NLGN1: variants seen among roughly 807,000 people sequenced by gnomAD.
NLGN1 encodes the protein neuroligin-1.
A neutral mutation model predicts 65.5 loss-of-function variants in NLGN1; 12 were observed. The observed-to-expected ratio is 0.18, with a 90% CI of 0.12 to 0.30. The LOEUF (loss-of-function observed/expected upper bound fraction) is 0.30, where lower values mean the gene tolerates loss of function less well. Ranked by LOEUF, NLGN1 falls within the 10% of genes least tolerant of loss-of-function variation. NLGN1 has a pLI of 1.00. For missense variants in NLGN1, 750 were observed against 1,007.1 expected, an observed-to-expected ratio of 0.74 and a Z score of 3.46; for synonymous variants, 350 against 359.5, an observed-to-expected ratio of 0.97 and a Z score of 0.30.
intron 4 of NLGN1, among the ~76,000 whole-genome samples, chr3:174,080,898 A>T (rs1300645241): frequency 6.8e-6 from 1 of 147,602 alleles, no homozygotes; most frequent in Non-Finnish European, 1.5e-5. Flanking sequence ...CATCATTTGA[A>T]TTTGATGGTC....
At chr3:173,548,483 ATTT>A (rs11343702) in intron 2 of NLGN1, among the ~76,000 whole-genome samples, 6 of 145,686 alleles carry the variant, frequency 4.1e-5, no homozygotes, top group Admixed American at 1.4e-4. Context: ...AGCACCTCAC[ATTT>A]TTTTTTTTTT....
intron 2 of NLGN1, among the ~76,000 whole-genome samples, chr3:173,540,113 A>G (rs1738586454): frequency 6.6e-6 from 1 of 151,986 alleles, no homozygotes; most frequent in Admixed American, 6.6e-5. Flanking sequence ...GCTGTTTCTC[A>G]GAAGAAGGGT....
intron 3 of NLGN1, among the ~76,000 whole-genome samples, chr3:173,799,019 T>C (rs1387618630): frequency 1.3e-5 from 2 of 152,020 alleles, no homozygotes; most frequent in Non-Finnish European, 2.9e-5. Flanking sequence ...TTGCTAAAAA[T>C]GTTTAACAAT....
intron 4 of NLGN1, among the ~76,000 whole-genome samples, chr3:173,808,793 C>T (rs908007641): frequency 1.3e-5 from 2 of 152,104 alleles, no homozygotes; most frequent in Non-Finnish European, 2.9e-5. Flanking sequence ...GCGCCTCACT[C>T]TTTCATTCTA....
intron 3 of NLGN1, among the ~76,000 whole-genome samples, chr3:173,733,324 G>A (rs889502179): frequency 2.0e-5 from 3 of 151,988 alleles, no homozygotes; most frequent in Admixed American, 6.6e-5. Context: ...ATTTTATAGG[G>A]GTAATTACAT....
intron 3 of NLGN1, among the ~76,000 whole-genome samples, chr3:173,770,313 G>A (rs960205738): frequency 3.3e-5 from 5 of 152,074 alleles, no homozygotes; most frequent in African/African-American, 4.8e-5. Context: ...ACAGAACTTG[G>A]GCTACAGAGG....
At chr3:173,879,235 CA>C (rs142935633) in intron 4 of NLGN1, among the ~76,000 whole-genome samples, 1,831 of 128,206 alleles carry the variant, frequency 0.014, 32 homozygotes, top group African/African-American at 0.043. Flanking sequence ...TTGTCTCAGA[CA>C]AAAAAAAAAA....
chr3:173,721,819 C>A (rs1202300168), intron 3 of NLGN1, among the ~76,000 whole-genome samples: 1 of 151,158 alleles, frequency 6.6e-6, no homozygotes, highest in African/African-American at 2.5e-5. Context: ...CTATGCAGAA[C>A]CATTTAATCA....
chr3:173,400,818 C>A (rs1478622448), intron 1 of NLGN1, among the ~76,000 whole-genome samples: 1 of 152,122 alleles, frequency 6.6e-6, no homozygotes, highest in African/African-American at 2.4e-5. Flanking sequence ...ATAGAGTCTA[C>A]CATAAATGAA....
rs1207163653 is a variant in NLGN1, at chr3:174,038,712, C to T, written c.646+230880C>T. ...TCCAAATAGGTAAAGTCAGCTTCTA[C>T]AATGAGTTAAATTTATGATTTAGAG... is the stretch of plus-strand genomic sequence containing the variant. On this transcript the variant is annotated intron_variant, in intron 4 of 6. Coordinates refer to ENST00000457714, the Ensembl canonical transcript of NLGN1. Among the ~76,000 whole-genome samples the T allele has an allele frequency of 2.0e-5, 3 of 152,264 alleles. No individual in the cohort carries two copies. In the South Asian group the frequency reaches 6.2e-4, roughly 32 times the overall value.
In NLGN1 at chr3:174,064,003, A is replaced by G. The variant is rs9852376; in HGVS notation, c.647-211312A>G. 8.8e-3 allele frequency among the ~76,000 whole-genome samples: 1,335 copies of G among 152,138 alleles called. 26 individuals are homozygous for G. The highest frequency in any genetic ancestry group is 0.03 in the African/African-American group (1,250 of 41,516). On this transcript the variant is annotated intron_variant, in intron 4 of 6. Transcript: ENST00000457714. ...CTAAAAATACAAAAATTAGCCAGGC[A>G]TGGTGACAGGAGCCTGTAATCCCAG...
chr3:174,254,832 C>T lies in NLGN1; in HGVS notation c.647-20483C>T, dbSNP rs114308326. Among the ~76,000 whole-genome samples, 329 of 152,166 alleles carry T rather than the reference C, an allele frequency of 2.2e-3. 1 individual carries two copies. Among genetic ancestry groups the T allele is most frequent in the Admixed American group, 6.5e-3 (100 of 15,292 alleles). ...CATATTCATTTCTAGTTTTTGTAAA[C>T]ACAGTGTAGTCTAACTATATTTGTA... On this transcript the variant is annotated intron_variant, in intron 4 of 6. Transcript: ENST00000457714.
intron 4 of NLGN1, among the ~76,000 whole-genome samples, chr3:174,159,714 G>C (rs144794679): frequency 2.0e-5 from 3 of 151,828 alleles, no homozygotes; most frequent in Non-Finnish European, 4.4e-5. Context: ...CGGCTGGTTG[G>C]ATTCCACAGT....
chr3:173,968,474 G>A (rs1715371528), intron 4 of NLGN1, among the ~76,000 whole-genome samples: 1 of 151,722 alleles, frequency 6.6e-6, no homozygotes, highest in South Asian at 2.1e-4. Flanking sequence ...ATATTTAGCA[G>A]TTCTAAAAAA....
intron 3 of NLGN1, among the ~76,000 whole-genome samples, chr3:173,626,147 G>A (rs1435565908): frequency 6.6e-6 from 1 of 151,934 alleles, no homozygotes; most frequent in Admixed American, 6.6e-5. Flanking sequence ...TAGCTATCAA[G>A]CGCTTGAAAC....
chr3:174,091,116 C>G (rs1744429753), intron 4 of NLGN1, among the ~76,000 whole-genome samples: 1 of 151,986 alleles, frequency 6.6e-6, no homozygotes, highest in Non-Finnish European at 1.5e-5. Context: ...TTTAGATGAC[C>G]AGGTGCCTGA....
intron 3 of NLGN1, among the ~76,000 whole-genome samples, chr3:173,748,331 A>G (rs1244681081): frequency 6.6e-6 from 1 of 152,056 alleles, no homozygotes; most frequent in Non-Finnish European, 1.5e-5. Flanking sequence ...TTACATCTGA[A>G]CACATAGGGG....
chr3:173,660,950 G>C (rs1190454892), intron 3 of NLGN1, among the ~76,000 whole-genome samples: 4 of 151,996 alleles, frequency 2.6e-5, no homozygotes, highest in Admixed American at 6.6e-5. Flanking sequence ...ACTTCCCTGG[G>C]CCTGAGTTTC....
At chr3:173,785,739 C>T (rs1268588164) in intron 3 of NLGN1, among the ~76,000 whole-genome samples, 1 of 151,940 alleles carries the variant, frequency 6.6e-6, no homozygotes, top group Admixed American at 6.6e-5. Context: ...AATCTCTCAT[C>T]TATTTACAGT....
Sources: gnomAD v4.1 joint callset for allele counts (sites outside exome capture counted in the v4.1 genomes callset) on GRCh38, gnomAD v4.1.1 for gene constraint, MANE v1.5 for transcripts, NCBI Gene and HGNC (gene_info 2026-07-23, HGNC 2026-07-21) for gene names.